The following MYBPC3 variants were observed in gnomAD, a reference collection of about 807,000 sequenced individuals.
MYBPC3 encodes myosin binding protein C3.
MYBPC3 carries 108 observed loss-of-function variants against 159.3 expected under a neutral mutation model. The ratio of observed to expected loss-of-function variants is 0.68; its 90% confidence interval spans 0.58 to 0.80. The LOEUF is 0.80. Ranked by LOEUF, MYBPC3 falls within the 30% of genes least tolerant of loss-of-function variation. The pLI is 0.00. For synonymous variants in MYBPC3, 730 were observed against 702.0 expected (o/e 1.04, Z -0.63); for missense variants, 1,631 against 1,762.1 (o/e 0.93, Z 1.33).
At chr11:47,342,975 G>A (rs1330028655) in intron 15 of MYBPC3, 40 bp from the exon 16 acceptor site, 2 of 1,612,332 alleles carry the variant, frequency 1.2e-6, no homozygotes, top group Non-Finnish European at 8.5e-7. Context: ...GCTCCCCTGA[G>A]GCCATCTCCT....
At chr11:47,337,899 A>G (rs1459611884) in intron 23 of MYBPC3, 105 bp from the exon 24 acceptor site, 2 of 731,826 alleles carry the variant, frequency 2.7e-6, no homozygotes. Flanking sequence ...GGCTGCCCCC[A>G]CCACCCCCAG....
At chr11:47,345,334 G>C (rs1222053338) in intron 12 of MYBPC3, among the ~76,000 whole-genome samples, 1 of 152,210 alleles carries the variant, frequency 6.6e-6, no homozygotes, top group Non-Finnish European at 1.5e-5. Flanking sequence ...TGGGGTGATG[G>C]GAAACCCAGT....
intron 26 of MYBPC3, chr11:47,335,525 C>A: frequency 3.5e-6 from 1 of 283,644 alleles, no homozygotes. Context: ...CGGGGTTTCT[C>A]CACGTTGGTC....
intron 27 of MYBPC3, 98 bp downstream of exon 27, chr11:47,334,944 G>A (rs937289333): frequency 2.3e-6 from 3 of 1,322,826 alleles, no homozygotes; most frequent in African/African-American, 3.0e-5. Flanking sequence ...GTTCTGGGCA[G>A]AGCATTCTGG....
In MYBPC3 at chr11:47,332,932, G is replaced by A. The variant is rs727504289; in HGVS notation, c.3372C>T (p.Cys1124=). 22 of 1,610,484 alleles carry A rather than the reference G, an allele frequency of 1.4e-5. No individual in the cohort carries two copies. Among genetic ancestry groups the A allele is most frequent in the South Asian group, 3.3e-5 (3 of 90,154 alleles). The part of the protein sequence containing the change: ...TVLEHYRRTH[C]VVPELIIGNG... ...TGCCAATGATGAGCTCTGGCACCAC[G>A]CAGTGGGTGCGGCGGTAATGCTCCA... is the stretch of plus-strand genomic sequence containing the variant. Residue 1124 remains cysteine (C), a synonymous_variant, in exon 31 of 35, where the codon TGC becomes TGT. Coordinates refer to ENST00000545968, the MANE Select transcript of MYBPC3 (RefSeq NM_000256.3). The surrounding 1 kb of genome is among the most constrained non-coding windows in gnomAD (Gnocchi z 4.2).
In MYBPC3 at chr11:47,331,745, T is replaced by C. The variant is rs2142846789; in HGVS notation, c.*27-29A>G. The C allele has an allele frequency of 3.3e-6, 4 of 1,227,772 alleles. No individual in the cohort carries two copies. The East Asian group carries it at 1.0e-4, about 32-fold the overall frequency. 76.1% of individuals were successfully genotyped at this position (1,227,772 alleles called of 1,614,324 possible). Reference sequence around the variant, plus strand: ...CAACACAGGTTATCTTACGAGTGAATGGAGGGCCCCTACAGCCTCCCATTT... The same window carrying C: ...CAACACAGGTTATCTTACGAGTGAACGGAGGGCCCCTACAGCCTCCCATTT... On this transcript the variant is annotated intron_variant, in intron 34 of 34. Coordinates refer to ENST00000545968, the MANE Select transcript of MYBPC3 (RefSeq NM_000256.3).
chr11:47,349,342 G>A (rs540547091), intron 5 of MYBPC3, among the ~76,000 whole-genome samples: 1 of 152,256 alleles, frequency 6.6e-6, no homozygotes, highest in Non-Finnish European at 1.5e-5. Flanking sequence ...TCTGTATAAT[G>A]AGGAATTGTT....
rs556616131 is a variant in MYBPC3 at position 47,346,277 on chromosome 11, G to A, written c.1020C>T (p.Tyr340=). 53 of 1,613,796 alleles carry A rather than the reference G, an allele frequency of 3.3e-5. No individual in the cohort carries two copies. The African/African-American group carries it at 4.8e-4, about 15-fold the overall frequency. ...PSEYERIAFQ[Y]GVTDLRGMLK... ...GCATGCCGCGCAGGTCAGTGACGCC[G>A]TACTGGAAGGCGATGCGCTCGTACT... The change falls in exon 12 of 35, where the codon TAC becomes TAT. Residue 340 remains tyrosine, a synonymous_variant. Transcript: ENST00000545968. The surrounding 1 kb of genome is among the most constrained non-coding windows in gnomAD (Gnocchi z 5.3).
rs368535924 is a variant in MYBPC3, at chr11:47,351,101, C to T, written c.292+138G>A. ...TCATGTGCAGAAAAGGGGGAAAGGG[C>T]GTTCCTGGCGGGGGGCACAGCCACA... On this transcript the variant is annotated intron_variant, in intron 2 of 34. Transcript: ENST00000545968. The surrounding 1 kb of genome is among the most constrained non-coding windows in gnomAD (Gnocchi z 4.2). The T allele has an allele frequency of 1.2e-4, 139 of 1,139,068 alleles. No individual in the cohort carries two copies. Among genetic ancestry groups the T allele is most frequent in the Middle Eastern group, 3.0e-4 (1 of 3,346 alleles). The allele number at this position is 1,139,068 out of a possible 1,614,324, so 70.6% of individuals were successfully genotyped here. A position where few individuals can be genotyped will look rare whatever the true frequency, so the allele number is the denominator to read the frequency against.
chr11:47,339,769 T>C lies in MYBPC3; in HGVS notation c.1949A>G (p.Asp650Gly). The C allele has an allele frequency of 6.2e-7, 1 of 1,613,752 alleles. No individual in the cohort carries two copies. Among genetic ancestry groups the C allele is most frequent in the South Asian group, 1.1e-5 (1 of 91,066 alleles). ...GGTGTCTGGTATGCGGCCTGGGCAG[T>C]CCAGGTGGATCTTGGGAGGTTCTGC... ...PRQEPPKIHL[D>G]CPGRIPDTIV... Residue 650 changes from aspartate to glycine, a missense_variant, in exon 21 of 35, where the codon GAC becomes GGC. By Grantham distance (94) the Asp-to-Gly change is moderately conservative (BLOSUM62 -1). Coordinates refer to ENST00000545968, the MANE Select transcript of MYBPC3 (RefSeq NM_000256.3).
chr11:47,331,663 G>A lies in MYBPC3; in HGVS notation c.*80C>T. 3 of 622,774 alleles carry A rather than the reference G, an allele frequency of 4.8e-6. No individual in the cohort carries two copies. The highest frequency in any genetic ancestry group is 8.3e-6 in the Non-Finnish European group (3 of 360,956). The allele number at this position is 622,774 out of a possible 1,614,324, so 38.6% of individuals were successfully genotyped here. A position where few individuals can be genotyped will look rare whatever the true frequency, so the allele number is the denominator to read the frequency against. On this transcript the variant is annotated 3_prime_UTR_variant, in exon 35 of 35. Coordinates refer to ENST00000545968, the MANE Select transcript of MYBPC3 (RefSeq NM_000256.3). ...ACACATACATCCAACAGTAGGGAGG[G>A]GTTTCCCCAACTTCCCTCCAGGCTC...
At chr11:47,334,885 A>C (rs548659873) in intron 27 of MYBPC3, among the ~76,000 whole-genome samples, 157 bp downstream of exon 27, 1 of 152,078 alleles carries the variant, frequency 6.6e-6, no homozygotes, top group South Asian at 2.1e-4. Flanking sequence ...CTTTTTCCCT[A>C]GGCCTAGCGC....
chr11:47,331,820 G>T (rs1255491987), intron 34 of MYBPC3, 25 bp downstream of exon 34: 20 of 1,589,744 alleles, frequency 1.3e-5, no homozygotes, highest in Non-Finnish European at 1.4e-5. Context: ...ACTGACTTGT[G>T]CCCTGGGTGT....
chr11:47,334,974 C>T (rs1404594690), intron 27 of MYBPC3, 68 bp downstream of exon 27: 57 of 1,409,692 alleles, frequency 4.0e-5, no homozygotes, highest in Non-Finnish European at 4.7e-5. Flanking sequence ...ACTGTCCCCA[C>T]CTCCACTGGA....
In MYBPC3 at chr11:47,343,439, G is replaced by C. The variant is rs2142862092; in HGVS notation, c.1223+53C>G. 3 of 1,539,268 alleles carry C rather than the reference G, an allele frequency of 1.9e-6. No homozygotes were observed. The South Asian group carries it at 3.6e-5, about 19-fold the overall frequency. ...CATGTGGAGAGGGGCAGGAGGCAAG[G>C]CTATGGGGGTCCCCACCTCCACCCG... On this transcript the variant is annotated intron_variant, in intron 13 of 34. Coordinates refer to ENST00000545968, the MANE Select transcript of MYBPC3 (RefSeq NM_000256.3).
intron 21 of MYBPC3, 23 bp from the exon 22 acceptor site, chr11:47,339,427 G>T: frequency 6.2e-7 from 1 of 1,611,746 alleles, no homozygotes; most frequent in Non-Finnish European, 8.5e-7. Flanking sequence ...CAGGAGGGAA[G>T]TAGGGAGCAG....
rs976474386 is a variant in MYBPC3, at chr11:47,346,421, G to A, written c.927-51C>T. 6 of 1,499,664 alleles carry A rather than the reference G, an allele frequency of 4.0e-6. No homozygotes were observed. In the African/African-American group the frequency reaches 8.3e-5, roughly 21 times the overall value. The allele number at this position is 1,499,664 out of a possible 1,614,324, so 92.9% of individuals were successfully genotyped here. ...CCGGGGGCAAGACTGCAGCCCCCTG[G>A]GCGGGGCTTCCTGGGCCCAGGACCA... On this transcript the variant is annotated intron_variant, in intron 11 of 34. Coordinates refer to ENST00000545968, the MANE Select transcript of MYBPC3 (RefSeq NM_000256.3). This position sits in a 1 kb window ranked among gnomAD's most constrained non-coding sequence, Gnocchi z 5.3.
At chr11:47,341,944 T>G (rs2095889011) in intron 18 of MYBPC3, 47 bp downstream of exon 18, 1 of 1,548,000 alleles carries the variant, frequency 6.5e-7, no homozygotes, top group African/African-American at 1.4e-5. Context: ...TCTCTCTGTC[T>G]CCATCTCAGT....
chr11:47,331,953 G>A, intron 33 of MYBPC3, 72 bp from the exon 34 acceptor site: 30 of 1,595,238 alleles, frequency 1.9e-5, no homozygotes, highest in Non-Finnish European at 2.6e-5. Flanking sequence ...GGGCGTGGCA[G>A]GGTCCGTGCC....
Sources: gnomAD v4.1 joint callset for allele counts (sites outside exome capture counted in the v4.1 genomes callset) on GRCh38, gnomAD v4.1.1 for gene constraint, Gnocchi (gnomAD v3.1) non-coding constraint, MANE v1.5 for transcripts, NCBI Gene and HGNC (gene_info 2026-07-23, HGNC 2026-07-21) for gene names.